The following PTPRM variants were observed in gnomAD, a reference collection of about 807,000 sequenced individuals.
PTPRM encodes the protein receptor-type tyrosine-protein phosphatase mu.
PTPRM carries 47 observed loss-of-function variants against 186.7 expected under a neutral mutation model. The ratio of observed to expected loss-of-function variants is 0.25; its 90% confidence interval spans 0.20 to 0.32. The LOEUF (loss-of-function observed/expected upper bound fraction) is 0.32. PTPRM is among the 10% of genes least tolerant of loss of function. The pLI, the probability that PTPRM is intolerant of heterozygous loss-of-function variation, is 1.00. For synonymous variants in PTPRM, 668 were observed against 674.9 expected, an observed-to-expected ratio of 0.99 and a Z score of 0.16; for missense variants, 1,494 against 1,865.0, an observed-to-expected ratio of 0.80 and a Z score of 3.66.
chr18:7,759,283 G>A (rs968744290), intron 1 of PTPRM, among the ~76,000 whole-genome samples: 1 of 152,066 alleles, frequency 6.6e-6, no homozygotes, highest in Admixed American at 6.6e-5. Flanking sequence ...CAACAATAAG[G>A]GTATTTAAAG....
chr18:8,350,748 C>T (rs894217519), intron 23 of PTPRM, among the ~76,000 whole-genome samples: 4 of 152,216 alleles, frequency 2.6e-5, no homozygotes, highest in African/African-American at 4.8e-5. Flanking sequence ...CTCTAGTCTA[C>T]GGCAAGCTTA....
intron 1 of PTPRM, among the ~76,000 whole-genome samples, chr18:7,768,516 A>T (rs958238190): frequency 3.9e-5 from 6 of 152,132 alleles, no homozygotes; most frequent in African/African-American, 1.4e-4. Flanking sequence ...AATAAAAAGC[A>T]TGTGGGTCTG....
intron 13 of PTPRM, among the ~76,000 whole-genome samples, chr18:8,128,018 C>T (rs528680104): frequency 1.1e-4 from 16 of 152,248 alleles, no homozygotes; most frequent in African/African-American, 3.6e-4. Context: ...AACATATACT[C>T]AGTTGCACTC....
rs111860464 is a variant in PTPRM, at chr18:8,028,896, A to T, written c.1133-40790A>T. On this transcript the variant is annotated intron_variant, in intron 7 of 32. Coordinates refer to ENST00000580170, the MANE Select transcript of PTPRM (RefSeq NM_001105244.2). ...TTTAATATTGGCAATAACATCTCAA[A>T]TGCTGGCAAAGTCAATGACTTTTAA... 9.3e-3 allele frequency among the ~76,000 whole-genome samples: 1,418 copies of T among 152,276 alleles called. 24 individuals carry two copies. Among genetic ancestry groups the T allele is most frequent in the African/African-American group, 0.033 (1,366 of 41,552 alleles).
chr18:7,653,684 G>A (rs1378486763), intron 1 of PTPRM, among the ~76,000 whole-genome samples: 4 of 152,134 alleles, frequency 2.6e-5, no homozygotes, highest in Non-Finnish European at 4.4e-5. Flanking sequence ...TCTATGGTGT[G>A]TATGTACTAC....
intron 20 of PTPRM, among the ~76,000 whole-genome samples, chr18:8,310,763 C>T (rs2095261952): frequency 6.6e-6 from 1 of 152,090 alleles, no homozygotes; most frequent in Non-Finnish European, 1.5e-5. Context: ...GTCCCATGAA[C>T]TCAAGCACCG....
chr18:7,833,181 G>A (rs766270988), intron 2 of PTPRM, among the ~76,000 whole-genome samples: 1 of 152,140 alleles, frequency 6.6e-6, no homozygotes, highest in Non-Finnish European at 1.5e-5. Flanking sequence ...GATAAGGTTT[G>A]CATTGAATCT....
At chr18:8,333,664 A>G (rs16953299) in intron 22 of PTPRM, among the ~76,000 whole-genome samples, 11,079 of 152,206 alleles carry the variant, frequency 0.073, 423 homozygotes, top group South Asian at 0.1. Context: ...TCCTGTAGCA[A>G]GAGCTTTAAA....
At chr18:8,400,685 C>G (rs527359592) in intron 32 of PTPRM, among the ~76,000 whole-genome samples, 21 of 152,334 alleles carry the variant, frequency 1.4e-4, no homozygotes, top group African/African-American at 4.8e-4. Flanking sequence ...CAGGTTGCCC[C>G]CTCTGTAACT....
intron 14 of PTPRM, among the ~76,000 whole-genome samples, chr18:8,235,451 GTCT>G (rs1366615295): frequency 6.2e-5 from 7 of 113,322 alleles, no homozygotes; most frequent in East Asian, 5.4e-4. Flanking sequence ...AGTAATCTGT[GTCT>G]TCTTTTTTTT....
chr18:7,951,735 T>C (rs530938829), intron 6 of PTPRM, among the ~76,000 whole-genome samples: 2 of 152,362 alleles, frequency 1.3e-5, no homozygotes, highest in South Asian at 4.1e-4. Flanking sequence ...TGTATATAGA[T>C]ATATTTTTTA....
intron 1 of PTPRM, among the ~76,000 whole-genome samples, chr18:7,723,387 A>G (rs1211679528): frequency 2.0e-5 from 3 of 152,210 alleles, no homozygotes; most frequent in Non-Finnish European, 4.4e-5. Flanking sequence ...AACCTAATAG[A>G]TCAGAAAACA....
At chr18:8,205,064 A>G (rs572923808) in intron 14 of PTPRM, among the ~76,000 whole-genome samples, 8 of 152,206 alleles carry the variant, frequency 5.3e-5, no homozygotes, top group Non-Finnish European at 8.8e-5. Flanking sequence ...ATTTCAGCCT[A>G]TCTAATTTGC....
At chr18:8,319,289 C>A in intron 22 of PTPRM, 75 bp downstream of exon 22, 2 of 1,097,904 alleles carry the variant, frequency 1.8e-6, no homozygotes, top group Non-Finnish European at 2.7e-6. Flanking sequence ...CCACTTCACC[C>A]TCCTTCAGGA....
chr18:8,190,858 A>G (rs1001141372), intron 14 of PTPRM, among the ~76,000 whole-genome samples: 2 of 152,242 alleles, frequency 1.3e-5, no homozygotes, highest in Admixed American at 6.5e-5. Flanking sequence ...TCCTGATATT[A>G]TTACTAGAAT....
At chr18:7,975,757 G>A (rs1364864585) in intron 7 of PTPRM, among the ~76,000 whole-genome samples, 4 of 152,192 alleles carry the variant, frequency 2.6e-5, no homozygotes, top group Non-Finnish European at 1.5e-5. Context: ...TGTGGCCAAG[G>A]AGGAGTGGAC....
At chr18:7,578,025 G>A (rs899175836) in intron 1 of PTPRM, among the ~76,000 whole-genome samples, 3 of 152,132 alleles carry the variant, frequency 2.0e-5, no homozygotes, top group Non-Finnish European at 2.9e-5. Flanking sequence ...TGAAAGAAGG[G>A]CAGTAGTAGC....
chr18:8,372,917 A>G (rs1165325275), intron 24 of PTPRM, among the ~76,000 whole-genome samples: 2 of 152,082 alleles, frequency 1.3e-5, no homozygotes, highest in African/African-American at 2.4e-5. Context: ...CTCTGTAGCT[A>G]AAGGAAGGGT....
intron 1 of PTPRM, among the ~76,000 whole-genome samples, chr18:7,749,919 G>A (rs1598496276): frequency 6.6e-6 from 1 of 152,162 alleles, no homozygotes; most frequent in East Asian, 1.9e-4. Context: ...AAGCAAGTGG[G>A]ATAAAAGCCT....
Sources: allele counts gnomAD v4.1 joint callset (sites outside exome capture counted in the v4.1 genomes callset), GRCh38; gene constraint gnomAD v4.1.1; transcripts MANE v1.5; gene names NCBI Gene and HGNC (gene_info 2026-07-23, HGNC 2026-07-21).